Variants in TBC1D32 observed in about 807,000 individuals in gnomAD.
The protein encoded by TBC1D32 is protein broad-minded.
TBC1D32 carries 151 observed loss-of-function variants against 170.3 expected under a neutral mutation model. That is an observed-to-expected ratio of 0.89 (90% CI 0.78 to 1.01). The LOEUF is 1.01. Among genes scored for constraint, TBC1D32 ranks in the 50% least tolerant of loss-of-function variants. TBC1D32 has a pLI of 0.00. For missense variants in TBC1D32, 1,464 were observed against 1,457.1 expected (o/e 1.00, Z -0.08); for synonymous variants, 498 against 488.0 (o/e 1.02, Z -0.27).
intron 17 of TBC1D32, among the ~76,000 whole-genome samples, chr6:121,245,348 A>G (rs1797462250): frequency 6.6e-6 from 1 of 152,194 alleles, no homozygotes; most frequent in Non-Finnish European, 1.5e-5. Flanking sequence ...TAGACCCAGA[A>G]GAGCAATAAC....
At chr6:121,118,414 T>G (rs12206641) in intron 26 of TBC1D32, among the ~76,000 whole-genome samples, 58,983 of 152,042 alleles carry the variant, frequency 0.39, 14,636 homozygotes, top group Non-Finnish European at 0.56. Context: ...AACCAATACT[T>G]TTAACTATAA....
chr6:121,153,833 C>T (rs758435221), intron 24 of TBC1D32, among the ~76,000 whole-genome samples: 2 of 151,914 alleles, frequency 1.3e-5, no homozygotes, highest in Non-Finnish European at 2.9e-5. Context: ...AAGGTGGATG[C>T]CCCTCCCACC....
At chr6:121,143,275 T>C (rs890834090) in intron 24 of TBC1D32, among the ~76,000 whole-genome samples, 14 of 152,180 alleles carry the variant, frequency 9.2e-5, no homozygotes, top group Admixed American at 7.9e-4. Flanking sequence ...TATACATACA[T>C]ACACAGAGAA....
intron 3 of TBC1D32, among the ~76,000 whole-genome samples, chr6:121,316,996 G>T (rs908343521): frequency 6.6e-6 from 1 of 151,976 alleles, no homozygotes; most frequent in African/African-American, 2.4e-5. Flanking sequence ...TAACTTTGCT[G>T]CAGCCAAATG....
intron 2 of TBC1D32, among the ~76,000 whole-genome samples, chr6:121,317,950 C>T (rs1372723068): frequency 1.3e-5 from 2 of 152,026 alleles, no homozygotes; most frequent in African/African-American, 4.8e-5. Context: ...GAACCTAAGG[C>T]AAGAGGTTTC....
intron 21 of TBC1D32, among the ~76,000 whole-genome samples, chr6:121,210,067 CTTTAA>C (rs1458282484): frequency 1.3e-5 from 2 of 152,204 alleles, no homozygotes; most frequent in Middle Eastern, 3.4e-3. Context: ...TATCATTCAC[CTTTAA>C]TTTAATAAAG....
intron 27 of TBC1D32, among the ~76,000 whole-genome samples, chr6:121,113,917 C>T (rs60055306): frequency 6.8e-4 from 103 of 152,124 alleles, no homozygotes; most frequent in African/African-American, 2.1e-3. Context: ...GGCTCACACC[C>T]GTAATCCCAG....
intron 20 of TBC1D32, among the ~76,000 whole-genome samples, chr6:121,236,276 C>G (rs1796319708): frequency 6.6e-6 from 1 of 151,964 alleles, no homozygotes; most frequent in Non-Finnish European, 1.5e-5. Flanking sequence ...ATGGTAACCA[C>G]TAGCTACATG....
At chr6:121,277,209 T>C (rs1802330061) in intron 15 of TBC1D32, among the ~76,000 whole-genome samples, 1 of 151,860 alleles carries the variant, frequency 6.6e-6, no homozygotes, top group Non-Finnish European at 1.5e-5. Context: ...AACACAAGGG[T>C]TGGGAGCAGT....
At chr6:121,290,585 A>AG (rs1166996570) in intron 12 of TBC1D32, among the ~76,000 whole-genome samples, 1 of 152,220 alleles carries the variant, frequency 6.6e-6, no homozygotes, top group Admixed American at 6.5e-5. Flanking sequence ...TGTGGAAGTC[A>AG]GTGTGGCGAT....
In TBC1D32 at chr6:121,238,557, G is replaced by A. The variant is rs1583341696; in HGVS notation, c.2364+513C>T. Among the ~76,000 whole-genome samples the A allele has an allele frequency of 3.9e-5, 6 of 152,240 alleles. 1 individual carries two copies. Among genetic ancestry groups the A allele is most frequent in the Admixed American group, 3.9e-4 (6 of 15,282 alleles). On this transcript the variant is annotated intron_variant, in intron 20 of 31. Coordinates refer to ENST00000398212, the MANE Select transcript of TBC1D32 (RefSeq NM_152730.6). ...TATTTTAGTGAACTTTGGAGAATATGTTAAATGTAAAAAGCCATTGAATTA... is the reference window on the plus strand; with the variant it reads ...TATTTTAGTGAACTTTGGAGAATATATTAAATGTAAAAAGCCATTGAATTA...
intron 1 of TBC1D32, among the ~76,000 whole-genome samples, chr6:121,332,955 G>C (rs1297851470): frequency 6.6e-6 from 1 of 152,124 alleles, no homozygotes; most frequent in African/African-American, 2.4e-5. Context: ...TATTAATGAA[G>C]ATTCCTTTCA....
intron 28 of TBC1D32, 30 bp from the exon 29 acceptor site, chr6:121,112,689 A>G (rs765216265): frequency 6.7e-7 from 1 of 1,496,002 alleles, no homozygotes; most frequent in South Asian, 1.5e-5. Flanking sequence ...AAACTTTACA[A>G]TATTTTGTAA....
At chr6:121,243,975 A>T (rs1797303180) in intron 17 of TBC1D32, among the ~76,000 whole-genome samples, 1 of 152,002 alleles carries the variant, frequency 6.6e-6, no homozygotes, top group African/African-American at 2.4e-5. Context: ...AACCCCTTCC[A>T]CTTACTTTCC....
At chr6:121,256,937 G>C (rs1799105548) in intron 15 of TBC1D32, among the ~76,000 whole-genome samples, 1 of 152,062 alleles carries the variant, frequency 6.6e-6, no homozygotes, top group African/African-American at 2.4e-5. Context: ...CTCCCAAAGT[G>C]CTGGGATTAC....
intron 15 of TBC1D32, among the ~76,000 whole-genome samples, chr6:121,276,141 G>A (rs56000113): frequency 0.11 from 15,822 of 148,034 alleles, 1,580 homozygotes; most frequent in African/African-American, 0.26. Context: ...AAAAACAAAC[G>A]ACAATAACAA....
At chr6:121,177,221 G>A (rs561548658) in intron 22 of TBC1D32, among the ~76,000 whole-genome samples, 3 of 152,158 alleles carry the variant, frequency 2.0e-5, no homozygotes, top group East Asian at 1.9e-4. Flanking sequence ...TGGGTCATAC[G>A]GGTGAATTTC....
At chr6:121,291,026 C>T (rs969905297) in intron 12 of TBC1D32, among the ~76,000 whole-genome samples, 3 of 151,976 alleles carry the variant, frequency 2.0e-5, no homozygotes, top group Admixed American at 2.0e-4. Flanking sequence ...GGATGGATAG[C>T]ATTAGGAGAT....
chr6:121,189,395 T>C (rs902935371), intron 22 of TBC1D32, among the ~76,000 whole-genome samples: 1 of 151,764 alleles, frequency 6.6e-6, no homozygotes, highest in Non-Finnish European at 1.5e-5. Context: ...ACAGATAATA[T>C]ATTGTTACAT....
Sources: gnomAD v4.1 joint callset for allele counts (sites outside exome capture counted in the v4.1 genomes callset) on GRCh38, gnomAD v4.1.1 for gene constraint, MANE v1.5 for transcripts, NCBI Gene and HGNC (gene_info 2026-07-23, HGNC 2026-07-21) for gene names.